The following TDRD9 variants were observed in gnomAD, a reference collection of about 807,000 sequenced individuals.
TDRD9 encodes ATP-dependent RNA helicase TDRD9.
In TDRD9, 124 loss-of-function variants were observed where a neutral mutation model predicts 172.6. That is an observed-to-expected ratio of 0.72 (90% CI 0.62 to 0.83). The LOEUF (loss-of-function observed/expected upper bound fraction) is 0.83. Among genes scored for constraint, TDRD9 ranks in the 40% least tolerant of loss-of-function variants. The pLI, the probability that TDRD9 is intolerant of heterozygous loss-of-function variation, is 0.00. For missense variants in TDRD9, 1,479 were observed against 1,714.1 expected (o/e 0.86, Z 2.42); for synonymous variants, 619 against 617.1 (o/e 1.00, Z -0.05).
intron 2 of TDRD9, 82 bp from the exon 3 acceptor site, chr14:103,962,997 C>T: frequency 3.5e-6 from 2 of 564,816 alleles, no homozygotes; most frequent in Admixed American, 3.7e-5. Flanking sequence ...TGTGTGTATG[C>T]TGTATCTATA....
At chr14:104,022,083 T>G in intron 23 of TDRD9, 74 bp from the exon 24 acceptor site, 1 of 1,213,368 alleles carries the variant, frequency 8.2e-7, no homozygotes, top group Non-Finnish European at 1.2e-6. Context: ...AATTTCTGTC[T>G]TGAGAGAAAT....
intron 9 of TDRD9, among the ~76,000 whole-genome samples, chr14:103,993,333 TA>T (rs2033943564): frequency 6.6e-6 from 1 of 152,094 alleles, no homozygotes; most frequent in South Asian, 2.1e-4. Context: ...CTGAAGAAAA[TA>T]TTTATAAGTG....
chr14:103,949,065 A>G (rs933186441), intron 1 of TDRD9, among the ~76,000 whole-genome samples: 1 of 152,154 alleles, frequency 6.6e-6, no homozygotes, highest in Admixed American at 6.5e-5. Flanking sequence ...GTTTTACAAG[A>G]TGAAGATTTC....
At chr14:103,978,078 G>A (rs2033326922) in intron 7 of TDRD9, among the ~76,000 whole-genome samples, 1 of 152,070 alleles carries the variant, frequency 6.6e-6, no homozygotes, top group African/African-American at 2.4e-5. Flanking sequence ...CCATTGCTTT[G>A]TAGTATATTT....
chr14:103,930,513 C>A (rs368528309), intron 1 of TDRD9, among the ~76,000 whole-genome samples: 1 of 152,086 alleles, frequency 6.6e-6, no homozygotes, highest in East Asian at 1.9e-4. Context: ...GTTTGTTAGT[C>A]TTGTCTGATT....
intron 11 of TDRD9, 87 bp downstream of exon 11, chr14:103,994,690 G>A (rs971845284): frequency 7.2e-6 from 8 of 1,106,898 alleles, no homozygotes; most frequent in African/African-American, 1.6e-5. Flanking sequence ...TCTGGGTGTC[G>A]TGGCTCATGC....
chr14:104,032,367 T>C (rs2152252993), intron 30 of TDRD9, among the ~76,000 whole-genome samples: 1 of 152,174 alleles, frequency 6.6e-6, no homozygotes, highest in South Asian at 2.1e-4. Context: ...CCACCACACC[T>C]GGCTAATTTT....
At chr14:104,020,917 G>C (rs2034935038) in intron 23 of TDRD9, among the ~76,000 whole-genome samples, 1 of 152,174 alleles carries the variant, frequency 6.6e-6, no homozygotes, top group South Asian at 2.1e-4. Flanking sequence ...TCATGCCCCA[G>C]AGTGGGGCTG....
chr14:104,022,433 A>G, intron 24 of TDRD9, 103 bp downstream of exon 24: 2 of 1,271,852 alleles, frequency 1.6e-6, no homozygotes, highest in Non-Finnish European at 2.2e-6. Flanking sequence ...GATCATGGTA[A>G]AAGCACTGGC....
At chr14:103,959,454 T>TTGTGTG (rs1566740472) in intron 2 of TDRD9, among the ~76,000 whole-genome samples, 1 of 63,032 alleles carries the variant, frequency 1.6e-5, no homozygotes, top group African/African-American at 6.2e-5. Context: ...GGTCAGGTTA[T>TTGTGTG]CGTGTGTGTG....
chr14:104,040,016 A>G (rs1441447138), intron 32 of TDRD9, among the ~76,000 whole-genome samples, 180 bp from the exon 33 acceptor site: 5 of 151,630 alleles, frequency 3.3e-5, no homozygotes, highest in African/African-American at 9.7e-5. Flanking sequence ...CTATTCTTAT[A>G]ACTATATTTT....
intron 5 of TDRD9, among the ~76,000 whole-genome samples, chr14:103,967,803 GT>G (rs2032817984): frequency 6.6e-6 from 1 of 152,176 alleles, no homozygotes; most frequent in Non-Finnish European, 1.5e-5. Flanking sequence ...ACTTATGGTA[GT>G]TTTGAATATC....
Position 104,026,662 on chromosome 14 carries a change from C to G in TDRD9, c.3022-17C>G, listed in dbSNP as rs780940969. On this transcript the variant is annotated splice_polypyrimidine_tract_variant and intron_variant, in intron 27 of 35. Coordinates refer to ENST00000409874, the MANE Select transcript of TDRD9 (RefSeq NM_153046.3). ...TATTTATAAAGCTGTTTGAGCTGTG[C>G]CCTTCTGTCCTTGTAGGCTTTGGAA... is the stretch of plus-strand genomic sequence containing the variant. 6.2e-7 allele frequency: 1 copy of G among 1,611,998 alleles called. No homozygotes were observed. The highest frequency in any genetic ancestry group is 2.2e-5 in the East Asian group (1 of 44,844).
chr14:104,040,333 A>G lies in TDRD9; in HGVS notation c.3854A>G (p.Glu1285Gly). The change falls in exon 33 of 36, where the codon GAG becomes GGG. Residue 1285 changes from glutamate to glycine, a missense_variant and splice_region_variant. Physicochemically the swap from Glu to Gly is moderately conservative, Grantham distance 98. Coordinates refer to ENST00000409874, the MANE Select transcript of TDRD9 (RefSeq NM_153046.3). The stretch of plus-strand genomic sequence containing the variant: ...CAATTCAGCGTGGAGGATGTCGTCG[A>G]GGTAAGGGTAGTGCAGCATCACGGC... ...DVQFSVEDVVEVNILRAAINK... is the reference protein window; with the variant it reads ...DVQFSVEDVVGVNILRAAINK... 3 of 1,548,010 alleles carry G rather than the reference A, an allele frequency of 1.9e-6. No individual in the cohort carries two copies. Among genetic ancestry groups the G allele is most frequent in the Non-Finnish European group, 2.6e-6 (3 of 1,144,962 alleles).
rs761150130 is a variant in TDRD9, at chr14:104,049,601, A to T, written c.3975-7A>T. 7.4e-5 allele frequency: 112 copies of T among 1,518,838 alleles called. No homozygotes were observed. The highest frequency in any genetic ancestry group is 4.4e-4 in the Admixed American group (21 of 47,846). 94.1% of individuals were successfully genotyped at this position (1,518,838 alleles called of 1,614,324 possible). The stretch of plus-strand genomic sequence containing the variant: ...AATTAAGATAATTTCTTTTTTTTTT[A>T]AATTAGTTTGTTCTGTCAGTCAAAA... On this transcript the variant is annotated splice_polypyrimidine_tract_variant and splice_region_variant and intron_variant, in intron 34 of 35. Coordinates refer to ENST00000409874, the MANE Select transcript of TDRD9 (RefSeq NM_153046.3).
intron 12 of TDRD9, among the ~76,000 whole-genome samples, chr14:103,996,284 C>T (rs1183298106): frequency 6.6e-6 from 1 of 152,198 alleles, no homozygotes; most frequent in East Asian, 1.9e-4. Flanking sequence ...TATTTGAAAA[C>T]CTAACACATG....
At chr14:103,941,006 C>G in intron 1 of TDRD9, 11 of 1,535,420 alleles carry the variant, frequency 7.2e-6, no homozygotes, top group Non-Finnish European at 9.6e-6. Context: ...TGCTCACTCC[C>G]TCTGTCAGAG....
chr14:103,986,363 G>T, intron 8 of TDRD9, 43 bp downstream of exon 8: 2 of 1,385,482 alleles, frequency 1.4e-6, no homozygotes, highest in African/African-American at 1.5e-5. Context: ...ATGTATATGT[G>T]ATTTAAAAAA....
chr14:104,013,637 T>G (rs1028837426), intron 20 of TDRD9: 2 of 152,254 alleles, frequency 1.3e-5, no homozygotes, highest in African/African-American at 4.8e-5. Context: ...AAGAAGATGA[T>G]TCTTGCCAGG....
Sources: gnomAD v4.1 joint callset for allele counts (sites outside exome capture counted in the v4.1 genomes callset) on GRCh38, gnomAD v4.1.1 for gene constraint, MANE v1.5 for transcripts, NCBI Gene and HGNC (gene_info 2026-07-23, HGNC 2026-07-21) for gene names.